IFT46: variants seen among roughly 807,000 people sequenced by gnomAD.
The protein encoded by IFT46 is intraflagellar transport protein 46 homolog.
Under a neutral mutation model 39.6 loss-of-function variants are expected in IFT46, and 19 were observed. The ratio of observed to expected loss-of-function variants is 0.48; its 90% CI spans 0.33 to 0.70. IFT46 has a LOEUF of 0.70. IFT46 is among the 30% of genes least tolerant of loss of function. The pLI is 0.01. For missense variants in IFT46, 334 were observed against 364.8 expected, an observed-to-expected ratio of 0.92 and a Z score of 0.69; for synonymous variants, 117 against 134.8, an observed-to-expected ratio of 0.87 and a Z score of 0.91.
intron 9 of IFT46, 91 bp from the exon 10 acceptor site, chr11:118,545,944 A>G (rs1260302595): frequency 1.1e-5 from 12 of 1,111,504 alleles, no homozygotes; most frequent in Non-Finnish European, 1.2e-5. Flanking sequence ...AGCTTCTAGC[A>G]TAAGACACAG....
intron 4 of IFT46, among the ~76,000 whole-genome samples, chr11:118,556,492 C>CAA (rs1232653909): frequency 0.011 from 1,619 of 148,218 alleles, 26 homozygotes; most frequent in African/African-American, 0.037. Context: ...GACTCTGTCT[C>CAA]AAAAAAAAAA....
At chr11:118,561,156 A>G in intron 2 of IFT46, 1 of 1,451,600 alleles carries the variant, frequency 6.9e-7, no homozygotes, top group Non-Finnish European at 9.6e-7. Flanking sequence ...ACCACTGGCA[A>G]TAAAGTTTTT....
upstream of IFT46, among the ~76,000 whole-genome samples, chr11:118,576,445 A>G (rs1037205270): frequency 6.7e-6 from 1 of 148,378 alleles, no homozygotes; most frequent in Non-Finnish European, 1.5e-5. Context: ...AAAAAAAAAA[A>G]AAAACCAAAA....
intron 9 of IFT46, among the ~76,000 whole-genome samples, chr11:118,549,526 C>CT (rs201176415): frequency 0.018 from 2,418 of 137,696 alleles, 68 homozygotes; most frequent in African/African-American, 0.055. Flanking sequence ...TCCATTATGA[C>CT]TTTTTTTTTT....
At chr11:118,546,250 C>A (rs1951683177) in intron 9 of IFT46, 1 of 700,384 alleles carries the variant, frequency 1.4e-6, no homozygotes, top group East Asian at 2.7e-5. Context: ...GTAATACCAG[C>A]ACTGTGGGAG....
upstream of IFT46, among the ~76,000 whole-genome samples, chr11:118,568,331 C>T (rs1357082978): frequency 6.6e-6 from 1 of 152,070 alleles, no homozygotes; most frequent in African/African-American, 2.4e-5. Flanking sequence ...AGGTGGATCA[C>T]CAGAGGTCAA....
upstream of IFT46, among the ~76,000 whole-genome samples, chr11:118,569,591 T>C (rs1156739639): frequency 2.0e-5 from 3 of 152,206 alleles, no homozygotes; most frequent in Non-Finnish European, 4.4e-5. Context: ...TATAATGCAG[T>C]GCTTAAGGGT....
chr11:118,575,331 A>G (rs1938467650), upstream of IFT46, among the ~76,000 whole-genome samples: 1 of 152,108 alleles, frequency 6.6e-6, no homozygotes, highest in Non-Finnish European at 1.5e-5. Context: ...GCAAAGAAAG[A>G]AAATGATTCT....
intron 2 of IFT46, chr11:118,561,200 T>C: frequency 7.2e-7 from 1 of 1,388,226 alleles, no homozygotes; most frequent in African/African-American, 1.4e-5. Context: ...TGGAGGCTTG[T>C]CTGTCCCTCA....
chr11:118,549,612 C>T (rs1951770812), intron 9 of IFT46, among the ~76,000 whole-genome samples: 1 of 150,478 alleles, frequency 6.6e-6, no homozygotes, highest in Non-Finnish European at 1.5e-5. Flanking sequence ...GCAATCTCTG[C>T]CTCCCAGGTT....
chr11:118,567,224 C>CTCCA (rs150604708), upstream of IFT46, among the ~76,000 whole-genome samples: 4,387 of 152,050 alleles, frequency 0.029, 87 homozygotes, highest in Middle Eastern at 0.058. Context: ...ACTGCATTCA[C>CTCCA]TCCAGCCTGG....
chr11:118,573,121 C>T (rs185526571), upstream of IFT46, among the ~76,000 whole-genome samples: 38 of 152,164 alleles, frequency 2.5e-4, no homozygotes, highest in African/African-American at 9.2e-4. Flanking sequence ...TGTATAGGAC[C>T]CAAGTGTCTC....
At chr11:118,548,377 T>C (rs1951745403) in intron 9 of IFT46, among the ~76,000 whole-genome samples, 1 of 148,658 alleles carries the variant, frequency 6.7e-6, no homozygotes, top group Non-Finnish European at 1.5e-5. Context: ...CTTTTTTTTT[T>C]TTTTTTTGGA....
intron 1 of IFT46, 199 bp downstream of exon 1, chr11:118,565,591 A>G (rs997871123): frequency 6.6e-6 from 1 of 152,324 alleles, no homozygotes; most frequent in South Asian, 2.1e-4. Flanking sequence ...CATCACCTCC[A>G]CTTTCACCCT....
chr11:118,570,124 A>G (rs1938307233), upstream of IFT46, among the ~76,000 whole-genome samples: 1 of 138,922 alleles, frequency 7.2e-6, no homozygotes, highest in African/African-American at 2.7e-5. Flanking sequence ...ATCTCGGCTC[A>G]CTGCAACCCA....
At chr11:118,546,005 T>G (rs1951675314) in intron 9 of IFT46, 152 bp from the exon 10 acceptor site, 1 of 719,050 alleles carries the variant, frequency 1.4e-6, no homozygotes, top group East Asian at 2.7e-5. Flanking sequence ...AGTTCCTAAC[T>G]CCCTGTACTT....
chr11:118,555,071 C>T lies in IFT46; in HGVS notation c.273G>A (p.Gln91=), dbSNP rs782283703. The change falls in exon 6 of 12, where the codon CAG becomes CAA. Residue 91 remains glutamine, a synonymous_variant. Coordinates refer to ENST00000264021, the MANE Select transcript of IFT46 (RefSeq NM_001168618.2). Reference sequence around the variant, plus strand: ...TCAGTTTGTGGTCCAGGTCAATCAACTGAGGTGTGTACCTAGGAGATATTG... The same window carrying T: ...TCAGTTTGTGGTCCAGGTCAATCAATTGAGGTGTGTACCTAGGAGATATTG... The part of the protein sequence containing the change: ...LFQYISRYTP[Q]LIDLDHKLKP... The T allele has an allele frequency of 1.9e-6, 3 of 1,613,302 alleles. No homozygotes were observed. The highest frequency in any genetic ancestry group is 1.1e-5 in the South Asian group (1 of 91,068).
chr11:118,562,861 C>T (rs781915238), intron 2 of IFT46, among the ~76,000 whole-genome samples: 2 of 152,094 alleles, frequency 1.3e-5, no homozygotes, highest in African/African-American at 2.4e-5. Flanking sequence ...GTCAGGAGAT[C>T]GAGGCCATCC....
At chr11:118,563,021 T>C (rs1486060711) in intron 2 of IFT46, among the ~76,000 whole-genome samples, 14 of 151,084 alleles carry the variant, frequency 9.3e-5, no homozygotes, top group African/African-American at 3.4e-4. Context: ...GCCAAGATCG[T>C]GCCACTGCAC....
Sources: allele counts gnomAD v4.1 joint callset (sites outside exome capture counted in the v4.1 genomes callset), GRCh38; gene constraint gnomAD v4.1.1; transcripts MANE v1.5; gene names NCBI Gene and HGNC (gene_info 2026-07-23, HGNC 2026-07-21).